NFIB: variants seen among roughly 807,000 people sequenced by gnomAD.
NFIB encodes nuclear factor I B.
Under a neutral mutation model 61.5 loss-of-function variants are expected in NFIB, and 11 were observed. That is an observed-to-expected ratio of 0.18 (90% confidence interval 0.11 to 0.30). NFIB has a LOEUF of 0.30. Among genes scored for constraint, NFIB ranks in the 10% least tolerant of loss-of-function variants. The pLI is 1.00. For missense variants in NFIB, 471 were observed against 608.9 expected, an observed-to-expected ratio of 0.77 and a Z score of 2.38; for synonymous variants, 260 against 216.5, an observed-to-expected ratio of 1.20 and a Z score of -1.76.
the NFIB span, among the ~76,000 whole-genome samples, chr9:14,448,278 A>T: frequency 6.6e-6 from 1 of 152,200 alleles, no homozygotes. Context: ...TCCTCAATAA[A>T]CTGATGCTTC....
chr9:14,243,605 AT>A (rs563196099), intron 2 of NFIB, among the ~76,000 whole-genome samples: 4 of 117,354 alleles, frequency 3.4e-5, no homozygotes, highest in African/African-American at 1.1e-4. Flanking sequence ...CTAATTGGGT[AT>A]TTTTTAAAAA....
the NFIB span, among the ~76,000 whole-genome samples, chr9:14,453,706 T>A: frequency 1.3e-5 from 2 of 152,218 alleles, no homozygotes; most frequent in Non-Finnish European, 2.9e-5. Context: ...ACATTCCCGT[T>A]TGAAATGGTG....
intron 2 of NFIB, among the ~76,000 whole-genome samples, chr9:14,277,533 AT>A (rs2058085258): frequency 6.6e-6 from 1 of 152,246 alleles, no homozygotes; most frequent in Non-Finnish European, 1.5e-5. Context: ...TCTAGTCTGA[AT>A]TTAGTAATTT....
rs139248517 is a variant in NFIB at position 14,172,447 on chromosome 9, GA to G, written c.616+7279del. On this transcript the variant is annotated intron_variant, in intron 3 of 10. Coordinates refer to ENST00000380953, the MANE Select transcript of NFIB (RefSeq NM_001190737.2). The stretch of plus-strand genomic sequence containing the variant: ...AAACACCATGGAAAGGAAAGGAGGG[GA>G]AAAAAATTATACAATGTTAATACAA... 3.3e-3 allele frequency among the ~76,000 whole-genome samples: 480 copies of G among 146,916 alleles called. 2 individuals carry two copies. Among genetic ancestry groups the G allele is most frequent in the African/African-American group, 0.011 (447 of 39,936 alleles).
At chr9:14,309,462 C>T (rs2060184137) in intron 1 of NFIB, among the ~76,000 whole-genome samples, 1 of 152,188 alleles carries the variant, frequency 6.6e-6, no homozygotes, top group Admixed American at 6.5e-5. Context: ...ATGATTACAT[C>T]ACAGCATGAG....
At chr9:14,382,787 G>C (rs1014940748) in intron 1 of NFIB, among the ~76,000 whole-genome samples, 1 of 152,182 alleles carries the variant, frequency 6.6e-6, no homozygotes, top group Non-Finnish European at 1.5e-5. Context: ...AAGATGATTG[G>C]AATAAATGAA....
chr9:14,437,404 G>C, the NFIB span, among the ~76,000 whole-genome samples: 1 of 152,204 alleles, frequency 6.6e-6, no homozygotes, highest in South Asian at 2.1e-4. Context: ...GGATCAGTCT[G>C]TTGTATGAGT....
chr9:14,496,493 T>C, the NFIB span, among the ~76,000 whole-genome samples: 1 of 152,172 alleles, frequency 6.6e-6, no homozygotes, highest in Non-Finnish European at 1.5e-5. Context: ...GTGTATTTAA[T>C]TTGGGTGGCT....
intron 6 of NFIB, among the ~76,000 whole-genome samples, chr9:14,134,640 C>T (rs887078749): frequency 2.2e-4 from 34 of 151,976 alleles, no homozygotes; most frequent in African/African-American, 8.2e-4. Flanking sequence ...GCCTGTAATC[C>T]CAGCACTTTG....
intron 6 of NFIB, among the ~76,000 whole-genome samples, chr9:14,132,734 T>C (rs943428803): frequency 2.0e-5 from 3 of 151,972 alleles, no homozygotes; most frequent in Admixed American, 6.5e-5. Flanking sequence ...CCCAGCTAAT[T>C]TGTAAATTTT....
rs1368081441 is a variant in NFIB at position 14,087,591 on chromosome 9, A to C, written c.*718T>G. On this transcript the variant is annotated 3_prime_UTR_variant, in exon 11 of 11. Coordinates refer to ENST00000380953, the MANE Select transcript of NFIB (RefSeq NM_001190737.2). Reference sequence around the variant, plus strand: ...TTTTTCTTTTTTTCCTTTTTTTTTCATTTTTTCTTTTTTTAAGATTTCAAA... The same window carrying C: ...TTTTTCTTTTTTTCCTTTTTTTTTCCTTTTTTCTTTTTTTAAGATTTCAAA... 1.9e-5 allele frequency: 4 copies of C among 211,040 alleles called. No individual in the cohort carries two copies. The highest frequency in any genetic ancestry group is 3.7e-5 in the Non-Finnish European group (4 of 108,024). 13.1% of individuals were successfully genotyped at this position (211,040 alleles called of 1,614,324 possible).
chr9:14,190,646 A>T (rs2047847413), intron 2 of NFIB, among the ~76,000 whole-genome samples: 1 of 152,254 alleles, frequency 6.6e-6, no homozygotes, highest in Non-Finnish European at 1.5e-5. Context: ...ATGAGGAGAC[A>T]GTAATTTCCT....
At chr9:14,101,181 T>C (rs574045491) in intron 10 of NFIB, among the ~76,000 whole-genome samples, 27 of 152,306 alleles carry the variant, frequency 1.8e-4, no homozygotes, top group African/African-American at 5.3e-4. Flanking sequence ...TTATCTTCTT[T>C]TTATAAGCAT....
chr9:14,165,845 C>T (rs536917201), intron 3 of NFIB, among the ~76,000 whole-genome samples: 1 of 152,002 alleles, frequency 6.6e-6, no homozygotes, highest in Non-Finnish European at 1.5e-5. Context: ...TTGCCAGGGG[C>T]TGGGGAGAGT....
chr9:14,499,467 G>A, the NFIB span, among the ~76,000 whole-genome samples: 1 of 152,158 alleles, frequency 6.6e-6, no homozygotes, highest in African/African-American at 2.4e-5. Flanking sequence ...CCAGTAGGTT[G>A]ACCAGAACAG....
intron 2 of NFIB, among the ~76,000 whole-genome samples, chr9:14,209,171 T>C (rs1414679830): frequency 1.3e-5 from 2 of 152,216 alleles, no homozygotes; most frequent in African/African-American, 4.8e-5. Flanking sequence ...GTTTCTGACA[T>C]GGAGATATTT....
chr9:14,457,076 A>T, the NFIB span, among the ~76,000 whole-genome samples: 1 of 152,200 alleles, frequency 6.6e-6, no homozygotes, highest in Non-Finnish European at 1.5e-5. Flanking sequence ...GAGAAAGAAA[A>T]GGCCAAGGGC....
intron 2 of NFIB, among the ~76,000 whole-genome samples, chr9:14,292,535 GA>G (rs2059171977): frequency 6.6e-6 from 1 of 152,182 alleles, no homozygotes; most frequent in South Asian, 2.1e-4. Flanking sequence ...AAGATAACCA[GA>G]AACCAAATTC....
chr9:14,106,135 T>A (rs1410083246), intron 10 of NFIB, among the ~76,000 whole-genome samples: 3 of 152,112 alleles, frequency 2.0e-5, no homozygotes, highest in Non-Finnish European at 4.4e-5. Flanking sequence ...CTCCCAATAG[T>A]AATCAAATTT....
Sources: allele counts gnomAD v4.1 joint callset (sites outside exome capture counted in the v4.1 genomes callset), GRCh38; gene constraint gnomAD v4.1.1; transcripts MANE v1.5; gene names NCBI Gene and HGNC (gene_info 2026-07-23, HGNC 2026-07-21).